Variants in MCF2L observed in about 807,000 individuals in gnomAD.
The protein encoded by MCF2L is MCF.2 cell line derived transforming sequence like, also known as guanine nucleotide exchange factor DBS.
Under a neutral mutation model 153.4 loss-of-function variants are expected in MCF2L, and 97 were observed. The observed-to-expected ratio is 0.63, with a 90% CI of 0.54 to 0.75. The LOEUF is 0.75. MCF2L is among the 30% of genes least tolerant of loss of function. The probability of loss-of-function intolerance (pLI) is 0.00; values close to 1 mark genes in which losing one functional copy is unlikely to be tolerated. For missense variants in MCF2L, 1,347 were observed against 1,495.2 expected, an observed-to-expected ratio of 0.90 and a Z score of 1.64; for synonymous variants, 659 against 632.2, an observed-to-expected ratio of 1.04 and a Z score of -0.64.
At chr13:112,944,929 G>A (rs897792517) in intron 2 of MCF2L, among the ~76,000 whole-genome samples, 22 of 151,976 alleles carry the variant, frequency 1.4e-4, no homozygotes, top group African/African-American at 5.3e-4. Context: ...GTGTCCTAAT[G>A]GAAGCTTTGA....
intron 1 of MCF2L, among the ~76,000 whole-genome samples, chr13:113,004,103 C>T (rs1039981275): frequency 6.6e-6 from 1 of 152,228 alleles, no homozygotes; most frequent in Non-Finnish European, 1.5e-5. Flanking sequence ...TGTGGCCCTT[C>T]CCTCGTGGCT....
intron 1 of MCF2L, among the ~76,000 whole-genome samples, chr13:112,999,041 C>A (rs541207513): frequency 1.3e-5 from 2 of 152,192 alleles, no homozygotes; most frequent in Admixed American, 6.5e-5. Context: ...GTTCGGGCCA[C>A]GTGTTCCGGC....
chr13:113,066,851 G>A (rs371098353), intron 8 of MCF2L, among the ~76,000 whole-genome samples: 22 of 152,336 alleles, frequency 1.4e-4, no homozygotes, highest in Admixed American at 4.6e-4. Flanking sequence ...CGGCAGGGCC[G>A]TGCGGGGCGC....
chr13:112,921,358 G>A (rs2081351483), intron 2 of MCF2L, among the ~76,000 whole-genome samples: 2 of 152,174 alleles, frequency 1.3e-5, no homozygotes, highest in Admixed American at 6.5e-5. Flanking sequence ...GGATAAAGAC[G>A]CCTCCATTGA....
In MCF2L at chr13:113,084,968, A is replaced by G; in HGVS notation, c.2138A>G (p.Asp713Gly). The change falls in exon 19 of 30, where the codon GAC becomes GGC. Residue 713 changes from aspartate to glycine, a missense_variant. Physicochemically the swap from Asp to Gly is moderately conservative, Grantham distance 94 (BLOSUM62 -1). This residue lies in a region of MCF2L where 144 missense variants were observed against 238.7 expected (regional missense o/e 0.60). Coordinates refer to ENST00000535094, the MANE Select transcript of MCF2L (RefSeq NM_001112732.3). ...RSESLWRQCS[D>G]CPFFQECQRK... ...GAGAGCCTGTGGAGACAGTGCTCCGACTGCCCGTTTTTCCAGGTTTGTCCC... is the reference window on the plus strand; with the variant it reads ...GAGAGCCTGTGGAGACAGTGCTCCGGCTGCCCGTTTTTCCAGGTTTGTCCC... 1 of 1,613,984 alleles carries G rather than the reference A, an allele frequency of 6.2e-7. No individual in the cohort carries two copies. Among genetic ancestry groups the G allele is most frequent in the Non-Finnish European group, 8.5e-7 (1 of 1,179,992 alleles).
chr13:113,058,291 C>A (rs1195681835), intron 4 of MCF2L, among the ~76,000 whole-genome samples: 1 of 131,614 alleles, frequency 7.6e-6, no homozygotes, highest in East Asian at 2.4e-4. Context: ...AGTGTTTGGG[C>A]ACTGAGTGGG....
rs528850973 is a variant in MCF2L at position 113,041,542 on chromosome 13, T to G, written c.279-3729T>G. Among the ~76,000 whole-genome samples, 326 of 151,776 alleles carry G rather than the reference T, an allele frequency of 2.1e-3. 1 individual carries two copies. Among genetic ancestry groups the G allele is most frequent in the African/African-American group, 7.5e-3 (310 of 41,214 alleles). The stretch of plus-strand genomic sequence containing the variant: ...GTCAGTATGGGGGATCACGTGGCCC[T>G]GCCCCCATGACCACAGTCAGTATGG... On this transcript the variant is annotated intron_variant, in intron 3 of 29. Coordinates refer to ENST00000535094, the MANE Select transcript of MCF2L (RefSeq NM_001112732.3).
rs1305958023 is a variant in MCF2L, at chr13:113,048,867, G to A, written c.369+3506G>A. Among the ~76,000 whole-genome samples, 6 of 152,354 alleles carry A rather than the reference G, an allele frequency of 3.9e-5. No individual in the cohort carries two copies. In the East Asian group the frequency reaches 1.2e-3, roughly 29 times the overall value. On this transcript the variant is annotated intron_variant, in intron 4 of 29. Transcript: ENST00000535094. ...GAGCAAGGCTCACCGCCAGCTGGGT[G>A]AGGACAGTTGAGGGGCATCACAATG...
chr13:113,085,605 A>G (rs1261581210), intron 20 of MCF2L, among the ~76,000 whole-genome samples: 23 of 151,788 alleles, frequency 1.5e-4, no homozygotes, highest in African/African-American at 5.6e-4. Context: ...TAGGGTGGCG[A>G]GAGGAAACTC....
rs747815317 is a variant in MCF2L, at chr13:113,046,596, A to T, written c.369+1235A>T. 2.6e-5 allele frequency: 14 copies of T among 533,166 alleles called. No homozygotes were observed. The highest frequency in any genetic ancestry group is 5.0e-5 in the Non-Finnish European group (13 of 259,898). 33.0% of individuals were successfully genotyped at this position (533,166 alleles called of 1,614,324 possible). On this transcript the variant is annotated intron_variant, in intron 4 of 29. Transcript: ENST00000535094. The surrounding 1 kb of genome is among the most constrained non-coding windows in gnomAD (Gnocchi z 4.4). The stretch of plus-strand genomic sequence containing the variant: ...TTGCCTCATTCCTTCATCTTTTACA[A>T]GAATTAGAGGCCCCATATCTGCTCC...
intron 2 of MCF2L, among the ~76,000 whole-genome samples, chr13:112,913,983 T>G (rs895356489): frequency 6.6e-6 from 1 of 152,198 alleles, no homozygotes; most frequent in African/African-American, 2.4e-5. Flanking sequence ...TCCAGACTCC[T>G]TAGCGTTGCG....
chr13:113,088,035 CA>C (rs2034806506), intron 23 of MCF2L, among the ~76,000 whole-genome samples: 1 of 152,176 alleles, frequency 6.6e-6, no homozygotes, highest in Admixed American at 6.5e-5. Context: ...CAGGGGAGCT[CA>C]TGTGTCCCTG....
At chr13:113,005,188 G>A (rs2083605717) in intron 1 of MCF2L, among the ~76,000 whole-genome samples, 1 of 152,224 alleles carries the variant, frequency 6.6e-6, no homozygotes, top group South Asian at 2.1e-4. Context: ...AGACAGCACG[G>A]ATGAGCCTGG....
intron 2 of MCF2L, among the ~76,000 whole-genome samples, chr13:112,962,799 C>T (rs1020190398): frequency 6.6e-6 from 1 of 152,178 alleles, no homozygotes; most frequent in African/African-American, 2.4e-5. Flanking sequence ...CCCCTTTCTC[C>T]AGGGTACAGG....
chr13:112,921,884 A>G (rs1287392918), intron 2 of MCF2L, among the ~76,000 whole-genome samples: 1 of 152,234 alleles, frequency 6.6e-6, no homozygotes, highest in East Asian at 1.9e-4. Context: ...GGATTATATC[A>G]ATACTTATAT....
At chr13:112,912,854 GTGTC>G (rs1302467216) in intron 2 of MCF2L, among the ~76,000 whole-genome samples, 9 of 151,204 alleles carry the variant, frequency 6.0e-5, no homozygotes, top group Non-Finnish European at 8.9e-5. Context: ...TAGTGTATCT[GTGTC>G]TGTATGGGGT....
intron 2 of MCF2L, among the ~76,000 whole-genome samples, chr13:112,961,444 G>C (rs1345998358): frequency 6.6e-6 from 1 of 152,240 alleles, no homozygotes; most frequent in Non-Finnish European, 1.5e-5. Flanking sequence ...CAGCAGGGCT[G>C]GGGGACAGGG....
intron 18 of MCF2L, chr13:113,084,664 G>T: frequency 1.7e-6 from 1 of 578,128 alleles, no homozygotes; most frequent in Non-Finnish European, 3.1e-6. Flanking sequence ...GAAGTCAGGG[G>T]CTCTGGGACA....
intron 1 of MCF2L, among the ~76,000 whole-genome samples, chr13:112,998,753 GGC>G (rs1266878968): frequency 3.3e-5 from 5 of 152,196 alleles, no homozygotes; most frequent in African/African-American, 1.2e-4. Flanking sequence ...CACTGTCTCT[GGC>G]TAAAGGTCTA....
Sources: gnomAD v4.1 joint callset for allele counts (sites outside exome capture counted in the v4.1 genomes callset) on GRCh38, gnomAD v4.1.1 for gene constraint, gnomAD v4.1.1 regional missense constraint, Gnocchi (gnomAD v3.1) non-coding constraint, MANE v1.5 for transcripts, NCBI Gene and HGNC (gene_info 2026-07-23, HGNC 2026-07-21) for gene names.